The following ANO7 variants were observed in gnomAD, a reference collection of about 807,000 sequenced individuals.
ANO7 encodes the protein anoctamin-7.
Under a neutral mutation model 115.8 loss-of-function variants are expected in ANO7, and 114 were observed. The observed-to-expected ratio is 0.98, with a 90% CI of 0.85 to 1.15. The LOEUF (loss-of-function observed/expected upper bound fraction) is 1.15. Among genes scored for constraint, ANO7 ranks in the 50% most tolerant of loss-of-function variants. ANO7 has a pLI of 0.00. For missense variants in ANO7, 1,302 were observed against 1,201.2 expected, an observed-to-expected ratio of 1.08 and a Z score of -1.24; for synonymous variants, 550 against 498.2, an observed-to-expected ratio of 1.10 and a Z score of -1.38.
intron 15 of ANO7, among the ~76,000 whole-genome samples, chr2:241,211,880 G>A (rs372631871): frequency 6.0e-4 from 91 of 152,288 alleles, no homozygotes; most frequent in African/African-American, 2.0e-3. Context: ...TATTAGTGTT[G>A]GGATATAGGG....
chr2:241,192,050 GCC>G (rs2068218925), intron 3 of ANO7, among the ~76,000 whole-genome samples: 1 of 152,212 alleles, frequency 6.6e-6, no homozygotes, highest in East Asian at 1.9e-4. Context: ...AAGTACCACA[GCC>G]TGGGCCAGGC....
intron 10 of ANO7, among the ~76,000 whole-genome samples, chr2:241,205,219 C>T (rs1429134629): frequency 7.0e-6 from 1 of 142,308 alleles, no homozygotes; most frequent in Non-Finnish European, 1.5e-5. Context: ...AGGAGTGCTC[C>T]CAAACTGACA....
intron 10 of ANO7, among the ~76,000 whole-genome samples, 166 bp from the exon 11 acceptor site, chr2:241,207,408 C>T (rs2068618460): frequency 6.6e-6 from 1 of 152,236 alleles, no homozygotes; most frequent in Non-Finnish European, 1.5e-5. Context: ...ATTGTCATGG[C>T]ATATATTTTA....
the ANO7 span, chr2:241,234,027 C>T: frequency 3.2e-6 from 5 of 1,576,694 alleles, no homozygotes; most frequent in African/African-American, 2.7e-5. Context: ...ACTCCATTCC[C>T]CTTCCACCCT....
chr2:241,204,514 G>T (rs565871394), intron 9 of ANO7, among the ~76,000 whole-genome samples: 1 of 152,288 alleles, frequency 6.6e-6, no homozygotes, highest in East Asian at 1.9e-4. Flanking sequence ...GCTCTGTGGT[G>T]GGCAGGATGT....
chr2:241,236,561 G>A, the ANO7 span: 3 of 1,585,320 alleles, frequency 1.9e-6, no homozygotes, highest in African/African-American at 4.0e-5. Flanking sequence ...GTCTCCCCAG[G>A]TGCCTGCTGA....
At chr2:241,216,280 G>T in intron 19 of ANO7, 42 bp downstream of exon 19, 1 of 1,514,664 alleles carries the variant, frequency 6.6e-7, no homozygotes, top group Non-Finnish European at 8.8e-7. Flanking sequence ...TGGCGCCGTG[G>T]GCAGGGATGG....
chr2:241,224,347 C>T lies in ANO7; in HGVS notation c.*194C>T. The T allele has an allele frequency of 1.6e-6, 1 of 627,854 alleles. No individual in the cohort carries two copies. Among genetic ancestry groups the T allele is most frequent in the Non-Finnish European group, 2.7e-6 (1 of 365,178 alleles). 38.9% of individuals were successfully genotyped at this position (627,854 alleles called of 1,614,324 possible). On this transcript the variant is annotated 3_prime_UTR_variant, in exon 25 of 25. Transcript: ENST00000674324. Reference sequence around the variant, plus strand: ...AGAGCGCCTGTCACTCCATCCCCGGCAGGGAGGGACCGTCAGCTCACAAGG... The same window carrying T: ...AGAGCGCCTGTCACTCCATCCCCGGTAGGGAGGGACCGTCAGCTCACAAGG...
downstream of ANO7, chr2:241,229,649 A>G: frequency 1.2e-6 from 2 of 1,614,142 alleles, no homozygotes; most frequent in Non-Finnish European, 8.5e-7. Flanking sequence ...CCTGAGCCCC[A>G]AAGCTGGGAA....
the ANO7 span, among the ~76,000 whole-genome samples, chr2:241,239,328 C>G: frequency 1.6e-4 from 24 of 152,014 alleles, no homozygotes; most frequent in Admixed American, 6.6e-5. This position sits in a 1 kb window ranked among gnomAD's most constrained non-coding sequence, Gnocchi z 4.6. Context: ...CTTTCTCTTG[C>G]TTTCTTTCCT....
intron 8 of ANO7, among the ~76,000 whole-genome samples, chr2:241,202,703 C>A (rs907393773): frequency 2.6e-5 from 4 of 152,214 alleles, no homozygotes; most frequent in African/African-American, 9.6e-5. Flanking sequence ...TGCACCTGTT[C>A]CTATCAGCGT....
In ANO7 at chr2:241,218,721, G is replaced by C. The variant is rs377076289; in HGVS notation, c.2321+340G>C. 5.7e-4 allele frequency among the ~76,000 whole-genome samples: 87 copies of C among 152,356 alleles called. 4 individuals carry two copies. In the South Asian group the frequency reaches 0.013, roughly 23 times the overall value. On this transcript the variant is annotated intron_variant, in intron 21 of 24. Coordinates refer to ENST00000674324, the MANE Select transcript of ANO7 (RefSeq NM_001370694.2). ...TTCGGCCGGGGGCGTCGGCAGACTC[G>C]TGTCTTCAGAGCGGAGCTCGCCGAA... is the stretch of plus-strand genomic sequence containing the variant.
chr2:241,199,222 G>A (rs1206781187), intron 4 of ANO7, 94 bp from the exon 5 acceptor site: 1 of 1,073,802 alleles, frequency 9.3e-7, no homozygotes, highest in East Asian at 2.4e-5. Flanking sequence ...CTACAGAAAT[G>A]CCAGTCTTTT....
At chr2:241,215,958 C>G in intron 18 of ANO7, 135 bp from the exon 19 acceptor site, 2 of 1,148,074 alleles carry the variant, frequency 1.7e-6, no homozygotes, top group Non-Finnish European at 2.5e-6. Context: ...CCCTCAGCCC[C>G]AGACCCCATC....
chr2:241,197,426 C>T (rs963345175), intron 4 of ANO7, among the ~76,000 whole-genome samples: 1 of 152,090 alleles, frequency 6.6e-6, no homozygotes, highest in Non-Finnish European at 1.5e-5. Context: ...TGTTCTGTTG[C>T]CCTGGCCGGA....
rs530498301 is a variant in ANO7 at position 241,225,629 on chromosome 2, G to C, written c.*1476G>C. Among the ~76,000 whole-genome samples the C allele has an allele frequency of 2.0e-3, 302 of 152,264 alleles. 1 individual carries two copies. Among genetic ancestry groups the C allele is most frequent in the African/African-American group, 7.1e-3 (293 of 41,532 alleles). ...CCTCTTTCTGAACATCCTCGCCTGCGTTCTATTTCACCCACCGTGATGCCT... is the reference window on the plus strand; with the variant it reads ...CCTCTTTCTGAACATCCTCGCCTGCCTTCTATTTCACCCACCGTGATGCCT... On this transcript the variant is annotated 3_prime_UTR_variant, in exon 25 of 25. Transcript: ENST00000674324.
At chr2:241,199,092 T>C (rs2068408605) in intron 4 of ANO7, 2 of 524,704 alleles carry the variant, frequency 3.8e-6, no homozygotes, top group South Asian at 4.0e-5. Context: ...CTGCAGCAAA[T>C]CTGTTGCTGG....
Position 241,225,839 on chromosome 2 carries a change from G to C in ANO7, c.*1686G>C, listed in dbSNP as rs973194233. Among the ~76,000 whole-genome samples the C allele has an allele frequency of 2.0e-5, 3 of 152,180 alleles. No homozygotes were observed. Among genetic ancestry groups the C allele is most frequent in the African/African-American group, 7.2e-5 (3 of 41,434 alleles). On this transcript the variant is annotated 3_prime_UTR_variant, in exon 25 of 25. Coordinates refer to ENST00000674324, the MANE Select transcript of ANO7 (RefSeq NM_001370694.2). ...GCGGACAGCACACACGGCCCGGGGCGGGAACCTTGGAAACTTTACACAGAT... is the reference window on the plus strand; with the variant it reads ...GCGGACAGCACACACGGCCCGGGGCCGGAACCTTGGAAACTTTACACAGAT...
downstream of ANO7, chr2:241,229,773 C>A: frequency 6.3e-7 from 1 of 1,587,746 alleles, no homozygotes; most frequent in Non-Finnish European, 8.6e-7. Context: ...CTCAGGACAC[C>A]AAGCCCGCCT....
Sources: gnomAD v4.1 joint callset for allele counts (sites outside exome capture counted in the v4.1 genomes callset) on GRCh38, gnomAD v4.1.1 for gene constraint, Gnocchi (gnomAD v3.1) non-coding constraint, MANE v1.5 for transcripts, NCBI Gene and HGNC (gene_info 2026-07-23, HGNC 2026-07-21) for gene names.